Variants in SGMS1 observed in about 807,000 individuals in gnomAD.
The protein encoded by SGMS1 is sphingomyelin synthase 1.
In SGMS1, 13 loss-of-function variants were observed where a neutral mutation model predicts 46.2. That is an observed-to-expected ratio of 0.28 (90% confidence interval 0.18 to 0.45). SGMS1 has a LOEUF of 0.45. Ranked by LOEUF, SGMS1 falls within the 20% of genes least tolerant of loss-of-function variation. The pLI is 1.00. For missense variants in SGMS1, 324 were observed against 519.9 expected (o/e 0.62, Z 3.66); for synonymous variants, 203 against 187.8 (o/e 1.08, Z -0.66).
chr10:50,577,252 A>G (rs1838393704), intron 2 of SGMS1, among the ~76,000 whole-genome samples: 1 of 152,140 alleles, frequency 6.6e-6, no homozygotes, highest in African/African-American at 2.4e-5. Context: ...AATCTGGGTG[A>G]TGGTCAGTTA....
intron 8 of SGMS1, among the ~76,000 whole-genome samples, chr10:50,318,164 C>G (rs1297628575): frequency 6.6e-6 from 1 of 152,174 alleles, no homozygotes; most frequent in Non-Finnish European, 1.5e-5. Flanking sequence ...TCTGCCTTCT[C>G]TCTTCTTAAA....
intron 3 of SGMS1, among the ~76,000 whole-genome samples, chr10:50,482,137 C>G (rs1837482723): frequency 6.6e-6 from 1 of 152,186 alleles, no homozygotes; most frequent in Non-Finnish European, 1.5e-5. Flanking sequence ...CCTAGCAAGA[C>G]AGGCCAACAT....
At chr10:50,455,779 A>G (rs1037806900) in intron 5 of SGMS1, among the ~76,000 whole-genome samples, 6 of 152,196 alleles carry the variant, frequency 3.9e-5, no homozygotes, top group African/African-American at 7.2e-5. Context: ...TGATGGAAAG[A>G]GCATCTTCCT....
intron 2 of SGMS1, among the ~76,000 whole-genome samples, chr10:50,586,273 A>G (rs112961088): frequency 1.5e-3 from 221 of 152,340 alleles, no homozygotes; most frequent in African/African-American, 4.9e-3. Context: ...ATATTTGGGC[A>G]GAGGATATAC....
At chr10:50,497,274 T>A (rs1427024294) in intron 3 of SGMS1, among the ~76,000 whole-genome samples, 3 of 152,252 alleles carry the variant, frequency 2.0e-5, no homozygotes, top group Admixed American at 6.5e-5. Flanking sequence ...TGCACTTCAG[T>A]GTGAGCTCCA....
At chr10:50,573,220 G>A (rs905868925) in intron 2 of SGMS1, among the ~76,000 whole-genome samples, 1 of 152,096 alleles carries the variant, frequency 6.6e-6, no homozygotes, top group African/African-American at 2.4e-5. Flanking sequence ...AATATGGTAC[G>A]AGACGTCCCA....
At chr10:50,557,685 C>CAA (rs5784835) in intron 2 of SGMS1, among the ~76,000 whole-genome samples, 22 of 114,856 alleles carry the variant, frequency 1.9e-4, no homozygotes, top group South Asian at 5.9e-4. Flanking sequence ...ACTCTAACAG[C>CAA]AAAAAAAAAA....
intron 9 of SGMS1, among the ~76,000 whole-genome samples, chr10:50,309,062 G>T (rs1198180309): frequency 6.6e-6 from 1 of 152,184 alleles, no homozygotes; most frequent in Non-Finnish European, 1.5e-5. Context: ...GTGGGGAAGA[G>T]AGATAAGAGA....
At chr10:50,398,632 T>C (rs1176307520) in intron 6 of SGMS1, among the ~76,000 whole-genome samples, 1 of 152,108 alleles carries the variant, frequency 6.6e-6, no homozygotes, top group Admixed American at 6.5e-5. Context: ...GAGAAATCAA[T>C]GCATATTCAG....
chr10:50,349,960 A>G (rs576264173), intron 6 of SGMS1, among the ~76,000 whole-genome samples: 1 of 152,356 alleles, frequency 6.6e-6, no homozygotes, highest in East Asian at 1.9e-4. Context: ...CGACTTTGGA[A>G]CTGGGTAACA....
chr10:50,617,080 G>T (rs541305557), intron 1 of SGMS1, among the ~76,000 whole-genome samples: 25 of 152,162 alleles, frequency 1.6e-4, no homozygotes, highest in African/African-American at 5.5e-4. Flanking sequence ...AAAATTGGGG[G>T]GGCATAAAAA....
intron 1 of SGMS1, among the ~76,000 whole-genome samples, chr10:50,600,742 T>A (rs920473201): frequency 6.6e-6 from 1 of 152,230 alleles, no homozygotes; most frequent in East Asian, 1.9e-4. Context: ...GAGAGTCTTC[T>A]ATGTGTCAGA....
chr10:50,408,430 T>C lies in SGMS1; in HGVS notation c.-232+25046A>G, dbSNP rs972510418. Among the ~76,000 whole-genome samples, 54 of 113,270 alleles carry C rather than the reference T, an allele frequency of 4.8e-4. 1 individual carries two copies. Among genetic ancestry groups the C allele is most frequent in the Non-Finnish European group, 2.0e-4 (10 of 50,592 alleles). The allele number at this position is 113,270 out of a possible 152,430, so 74.3% of individuals were successfully genotyped here. On this transcript the variant is annotated intron_variant, in intron 6 of 10. Transcript: ENST00000361781. ...GGGCAATATACTGAGACCTCATCTC[T>C]TAAAAAAAAAAAAAAAAAAAAAAAA...
At chr10:50,527,076 AAAAAAAAAAAAAAG>A (rs1320823925) in intron 2 of SGMS1, among the ~76,000 whole-genome samples, 1,194 of 103,506 alleles carry the variant, frequency 0.012, 17 homozygotes, top group African/African-American at 0.03. Context: ...AAAAAAAAAA[AAAAAAAAAAAAAAG>A]AAAGAAAGAA....
chr10:50,579,687 C>A (rs1036276674), intron 2 of SGMS1, among the ~76,000 whole-genome samples: 1 of 152,160 alleles, frequency 6.6e-6, no homozygotes, highest in African/African-American at 2.4e-5. Flanking sequence ...AGATATATAA[C>A]AACACAAAAG....
At chr10:50,576,394 C>T (rs899869555) in intron 2 of SGMS1, among the ~76,000 whole-genome samples, 3 of 152,214 alleles carry the variant, frequency 2.0e-5, no homozygotes, top group African/African-American at 7.2e-5. Flanking sequence ...CTCAGAGTCA[C>T]CCTTGTCCCC....
chr10:50,484,657 G>T (rs779523280), intron 3 of SGMS1, among the ~76,000 whole-genome samples: 51 of 152,048 alleles, frequency 3.4e-4, no homozygotes, highest in Admixed American at 7.2e-4. Flanking sequence ...ACAAAATACT[G>T]GCAAACTGAA....
chr10:50,584,442 T>G lies in SGMS1; in HGVS notation c.-589+5711A>C, dbSNP rs1362667734. On this transcript the variant is annotated intron_variant, in intron 2 of 10. Coordinates refer to ENST00000361781, the MANE Select transcript of SGMS1 (RefSeq NM_147156.4). ...TGAACCCGGGAGGCAGAGGTTGTAG[T>G]AAGCGGAGATCGTGCCACTGCACTC... Among the ~76,000 whole-genome samples, 4 of 133,954 alleles carry G rather than the reference T, an allele frequency of 3.0e-5. No individual in the cohort carries two copies. In the East Asian group the frequency reaches 8.6e-4, roughly 29 times the overall value. The allele number at this position is 133,954 out of a possible 152,430, so 87.9% of individuals were successfully genotyped here.
intron 5 of SGMS1, chr10:50,459,833 G>C (rs1487228327): frequency 6.6e-6 from 1 of 152,268 alleles, no homozygotes; most frequent in Admixed American, 6.5e-5. Context: ...GGGAATAGCA[G>C]GCAAGTTGTT....
Sources: gnomAD v4.1 joint callset for allele counts (sites outside exome capture counted in the v4.1 genomes callset) on GRCh38, gnomAD v4.1.1 for gene constraint, MANE v1.5 for transcripts, NCBI Gene and HGNC (gene_info 2026-07-23, HGNC 2026-07-21) for gene names.